DLG2: variants seen among roughly 807,000 people sequenced by gnomAD.
DLG2 encodes the protein discs large MAGUK scaffold protein 2, also known as disks large homolog 2.
DLG2 carries 45 observed loss-of-function variants against 132.5 expected under a neutral mutation model. The ratio of observed to expected loss-of-function variants is 0.34; its 90% CI spans 0.27 to 0.44. The LOEUF is 0.44. Ranked by LOEUF, DLG2 falls within the 20% of genes least tolerant of loss-of-function variation. DLG2 has a pLI of 1.00. For synonymous variants in DLG2, 424 were observed against 419.6 expected, an observed-to-expected ratio of 1.01 and a Z score of -0.13; for missense variants, 1,045 against 1,196.9, an observed-to-expected ratio of 0.87 and a Z score of 1.87.
chr11:84,392,415 A>G (rs1454955737), intron 7 of DLG2, among the ~76,000 whole-genome samples: 1 of 152,214 alleles, frequency 6.6e-6, no homozygotes, highest in Non-Finnish European at 1.5e-5. Context: ...CTCAAAGCAA[A>G]AATGACATCC....
At chr11:84,364,788 G>A (rs2098671839) in intron 7 of DLG2, among the ~76,000 whole-genome samples, 1 of 152,080 alleles carries the variant, frequency 6.6e-6, no homozygotes, top group Non-Finnish European at 1.5e-5. Flanking sequence ...TTTGTCTTTG[G>A]TTCCGTTTAT....
chr11:84,931,411 T>C (rs1040312154), intron 6 of DLG2, among the ~76,000 whole-genome samples: 6 of 152,192 alleles, frequency 3.9e-5, no homozygotes, highest in Admixed American at 6.5e-5. Context: ...AGTGAGAGCA[T>C]GCAGTATTTG....
At chr11:85,318,736 G>T (rs755388023) in intron 3 of DLG2, among the ~76,000 whole-genome samples, 21 of 151,690 alleles carry the variant, frequency 1.4e-4, no homozygotes, top group Admixed American at 1.2e-3. Flanking sequence ...AGACCATAAG[G>T]AAACATGAAA....
chr11:84,423,703 TA>T (rs1221916629), intron 7 of DLG2, among the ~76,000 whole-genome samples: 1 of 151,446 alleles, frequency 6.6e-6, no homozygotes, highest in Non-Finnish European at 1.5e-5. Context: ...GATTATCTTT[TA>T]ATTACTCAAA....
chr11:83,553,214 G>C (rs1387895043), intron 19 of DLG2, among the ~76,000 whole-genome samples: 1 of 152,010 alleles, frequency 6.6e-6, no homozygotes, highest in Admixed American at 6.6e-5. Context: ...TGTAAAATGG[G>C]ATTAAAATAT....
intron 6 of DLG2, among the ~76,000 whole-genome samples, chr11:84,909,770 C>A (rs1459514199): frequency 6.6e-6 from 1 of 152,068 alleles, no homozygotes; most frequent in Non-Finnish European, 1.5e-5. Context: ...ATTTTATGTG[C>A]GTTTTTCCTC....
At chr11:85,199,266 T>A (rs534739081) in intron 4 of DLG2, among the ~76,000 whole-genome samples, 7 of 152,170 alleles carry the variant, frequency 4.6e-5, no homozygotes, top group Non-Finnish European at 8.8e-5. Flanking sequence ...AACCTCAAAA[T>A]CATTATATTG....
chr11:83,504,667 A>G lies in DLG2; in HGVS notation c.2194-20439T>C, dbSNP rs1431504881. Among the ~76,000 whole-genome samples the G allele has an allele frequency of 2.6e-5, 4 of 152,098 alleles. No individual in the cohort carries two copies. The East Asian group carries it at 7.7e-4, about 29-fold the overall frequency. ...CAGACTATCTAGGCCAGCAGAATGT[A>G]ATGTTGTGGGAGGAGGAAGCAAAAA... On this transcript the variant is annotated intron_variant, in intron 21 of 27. Coordinates refer to ENST00000376104, the MANE Select transcript of DLG2 (RefSeq NM_001142699.3).
chr11:83,763,196 T>C (rs980630342), intron 18 of DLG2, among the ~76,000 whole-genome samples: 2 of 152,182 alleles, frequency 1.3e-5, no homozygotes, highest in African/African-American at 4.8e-5. Flanking sequence ...TTATTTTAGG[T>C]TTAGGCGTAT....
At chr11:85,000,654 T>C (rs2058127211) in intron 6 of DLG2, among the ~76,000 whole-genome samples, 1 of 152,190 alleles carries the variant, frequency 6.6e-6, no homozygotes. Flanking sequence ...AAGTGTTGCT[T>C]GAGAATTGTC....
chr11:84,332,753 AG>A (rs751774447), intron 7 of DLG2, among the ~76,000 whole-genome samples: 5 of 152,204 alleles, frequency 3.3e-5, no homozygotes, highest in Non-Finnish European at 5.9e-5. Context: ...TGAGGTAGGC[AG>A]CACATCAGAA....
intron 7 of DLG2, among the ~76,000 whole-genome samples, chr11:84,369,210 GA>G (rs796362581): frequency 6.7e-6 from 1 of 149,130 alleles, no homozygotes; most frequent in Non-Finnish European, 1.5e-5. Context: ...ACTTAGAAAT[GA>G]AAAAAAAATA....
chr11:84,459,531 A>G (rs1298479823), intron 7 of DLG2, among the ~76,000 whole-genome samples: 1 of 150,690 alleles, frequency 6.6e-6, no homozygotes, highest in Non-Finnish European at 1.5e-5. Flanking sequence ...GAAAAAATTA[A>G]TACTAGAAAA....
At chr11:85,299,521 T>C (rs1435634559) in intron 3 of DLG2, among the ~76,000 whole-genome samples, 2 of 152,212 alleles carry the variant, frequency 1.3e-5, no homozygotes, top group African/African-American at 2.4e-5. Context: ...CTCCCCATTA[T>C]TGCCTTTGCA....
At chr11:85,528,518 A>G (rs73499163) in intron 3 of DLG2, among the ~76,000 whole-genome samples, 1 of 152,112 alleles carries the variant, frequency 6.6e-6, no homozygotes, top group East Asian at 1.9e-4. Flanking sequence ...GCAGTAGGAA[A>G]TCTCATACAC....
chr11:83,878,663 T>A (rs112026745), intron 15 of DLG2, among the ~76,000 whole-genome samples: 1 of 152,192 alleles, frequency 6.6e-6, no homozygotes, highest in African/African-American at 2.4e-5. Context: ...AACTTCTCTG[T>A]CCCACCCACA....
chr11:85,216,466 G>A (rs1828799638), intron 4 of DLG2, among the ~76,000 whole-genome samples: 3 of 152,086 alleles, frequency 2.0e-5, no homozygotes, highest in Non-Finnish European at 4.4e-5. Flanking sequence ...AAAAGCTTTT[G>A]ACAAGCATTT....
rs150176637 is a variant in DLG2 at position 84,684,047 on chromosome 11, T to C, written c.358-149316A>G. Among the ~76,000 whole-genome samples the C allele has an allele frequency of 2.0e-5, 3 of 152,316 alleles. No individual in the cohort carries two copies. In the East Asian group the frequency reaches 5.8e-4, roughly 29 times the overall value. ...AATCCCCTAAGCAATTTGTTTCATG[T>C]TGAGATTGCCTCATGAATAAAAAAT... On this transcript the variant is annotated intron_variant, in intron 6 of 27. Coordinates refer to ENST00000376104, the MANE Select transcript of DLG2 (RefSeq NM_001142699.3).
chr11:84,372,528 A>G (rs1035287760), intron 7 of DLG2, among the ~76,000 whole-genome samples: 8 of 152,196 alleles, frequency 5.3e-5, no homozygotes, highest in African/African-American at 1.9e-4. Flanking sequence ...CTTCCCATGA[A>G]CTATCTGTGC....
Sources: allele counts gnomAD v4.1 joint callset (sites outside exome capture counted in the v4.1 genomes callset), GRCh38; gene constraint gnomAD v4.1.1; transcripts MANE v1.5; gene names NCBI Gene and HGNC (gene_info 2026-07-23, HGNC 2026-07-21).